SNTB2: variants seen among roughly 807,000 people sequenced by gnomAD.
SNTB2 encodes the protein syntrophin beta 2, also known as beta-2-syntrophin.
Under a neutral mutation model 46.2 loss-of-function variants are expected in SNTB2, and 34 were observed. The observed-to-expected ratio is 0.74, with a 90% CI of 0.56 to 0.98. The LOEUF (loss-of-function observed/expected upper bound fraction) is 0.98, where lower values mean the gene tolerates loss of function less well. Ranked by LOEUF, SNTB2 falls within the 50% of genes least tolerant of loss-of-function variation. The pLI is 0.00. For missense variants in SNTB2, 603 were observed against 731.4 expected (o/e 0.82, Z 2.02); for synonymous variants, 290 against 312.6 (o/e 0.93, Z 0.76).
At chr16:69,234,999 G>A (rs537565825) in intron 1 of SNTB2, among the ~76,000 whole-genome samples, 4 of 152,118 alleles carry the variant, frequency 2.6e-5, no homozygotes, top group Admixed American at 6.5e-5. Flanking sequence ...CACTGCGCCC[G>A]GCTCTCAACT....
At chr16:69,294,022 TG>T (rs1316789804) in intron 5 of SNTB2, among the ~76,000 whole-genome samples, 6 of 152,084 alleles carry the variant, frequency 3.9e-5, no homozygotes, top group African/African-American at 1.5e-4. Context: ...TTATGTTTTT[TG>T]TTTGTTTGTT....
intron 1 of SNTB2, among the ~76,000 whole-genome samples, chr16:69,220,602 A>G (rs1235950022): frequency 4.0e-5 from 6 of 151,578 alleles, no homozygotes; most frequent in Admixed American, 4.0e-4. Flanking sequence ...ATCATAGGTC[A>G]TTGCAGCCTT....
chr16:69,187,840 T>TTCTCTCCCCGTC, intron 1 of SNTB2, 94 bp downstream of exon 1: 1 of 1,013,550 alleles, frequency 9.9e-7, no homozygotes, highest in South Asian at 2.0e-5. Context: ...GGCGAGCCGG[T>TTCTCTCCCCGTC]TCTCTCCCCG....
intron 5 of SNTB2, among the ~76,000 whole-genome samples, chr16:69,288,077 T>A (rs113322948): frequency 6.6e-6 from 1 of 152,098 alleles, no homozygotes; most frequent in East Asian, 1.9e-4. Flanking sequence ...GCACGGTGGC[T>A]TACACCAGAA....
chr16:69,211,854 C>G (rs116469008), intron 1 of SNTB2, among the ~76,000 whole-genome samples: 2 of 152,050 alleles, frequency 1.3e-5, no homozygotes, highest in South Asian at 2.1e-4. Flanking sequence ...AAAAATAAAC[C>G]CTTATTCATT....
chr16:69,290,097 C>G (rs1965146271), intron 5 of SNTB2, among the ~76,000 whole-genome samples: 1 of 152,078 alleles, frequency 6.6e-6, no homozygotes, highest in Admixed American at 6.6e-5. Flanking sequence ...CATAATCTTC[C>G]TAATGTTCAT....
intron 1 of SNTB2, among the ~76,000 whole-genome samples, chr16:69,211,761 T>G (rs1964289919): frequency 6.6e-6 from 1 of 152,158 alleles, no homozygotes; most frequent in Non-Finnish European, 1.5e-5. Context: ...AGCAAACACC[T>G]TATACTAATG....
At chr16:69,226,308 T>G (rs1416903727) in intron 1 of SNTB2, among the ~76,000 whole-genome samples, 1 of 151,656 alleles carries the variant, frequency 6.6e-6, no homozygotes, top group Non-Finnish European at 1.5e-5. Flanking sequence ...TGACCTTAGG[T>G]GATCTGTCTG....
At position 69,307,142 on chromosome 16, in the gene SNTB2, G is replaced by A. The variant is rs991391824; in HGVS notation, c.*6218G>A. On this transcript the variant is annotated 3_prime_UTR_variant, in exon 7 of 7. Coordinates refer to ENST00000336278, the MANE Select transcript of SNTB2 (RefSeq NM_006750.4). ...GGCATTCTGAAGGGTCCAAAAGAAA[G>A]TTCCTGCCCTCTAGTAGCACATAAT... The A allele has an allele frequency of 1.3e-5, 2 of 152,168 alleles. No homozygotes were observed. 9.4% of individuals were successfully genotyped at this position (152,168 alleles called of 1,614,324 possible).
intron 3 of SNTB2, among the ~76,000 whole-genome samples, chr16:69,262,587 A>G (rs1308235123): frequency 6.6e-6 from 1 of 152,198 alleles, no homozygotes; most frequent in Non-Finnish European, 1.5e-5. Context: ...GGAATGCTCA[A>G]ATCAGGCTAA....
At chr16:69,206,918 A>G (rs1282235632) in intron 1 of SNTB2, among the ~76,000 whole-genome samples, 2 of 150,608 alleles carry the variant, frequency 1.3e-5, no homozygotes, top group Admixed American at 1.3e-4. Flanking sequence ...GGCGCCTGCC[A>G]CCATGCCCAA....
intron 4 of SNTB2, among the ~76,000 whole-genome samples, chr16:69,276,929 T>C (rs1964989902): frequency 6.6e-6 from 1 of 152,198 alleles, no homozygotes; most frequent in Admixed American, 6.5e-5. Flanking sequence ...ATTAATTTTA[T>C]TTAATCTTGA....
At chr16:69,286,157 G>A (rs745505506) in intron 5 of SNTB2, among the ~76,000 whole-genome samples, 5 of 152,094 alleles carry the variant, frequency 3.3e-5, no homozygotes, top group Non-Finnish European at 5.9e-5. Context: ...TTACTGTGTT[G>A]CCCAGGCTGG....
chr16:69,223,460 G>A (rs1041379381), intron 1 of SNTB2, among the ~76,000 whole-genome samples: 50 of 152,182 alleles, frequency 3.3e-4, no homozygotes, highest in African/African-American at 1.1e-3. Flanking sequence ...CTCTCAAAGC[G>A]CTGGGATTTC....
chr16:69,273,082 TAAA>T (rs559148382), intron 4 of SNTB2, among the ~76,000 whole-genome samples: 34 of 151,946 alleles, frequency 2.2e-4, no homozygotes, highest in Admixed American at 9.2e-4. Context: ...ACAGATAAAA[TAAA>T]AAGTGTGAAC....
At position 69,298,694 on chromosome 16, in the gene SNTB2, G is replaced by A. The variant is rs567328733; in HGVS notation, c.1346-896G>A. Among the ~76,000 whole-genome samples, 8 of 151,618 alleles carry A rather than the reference G, an allele frequency of 5.3e-5. No homozygotes were observed. In the East Asian group the frequency reaches 1.2e-3, roughly 22 times the overall value. On this transcript the variant is annotated intron_variant, in intron 5 of 6. Transcript: ENST00000336278. ...GTGCCACCATGGCTGGCTAATTTTT[G>A]TATTTTTAGTAGAGACGGGGTTTCG...
rs1298847405 is a variant in SNTB2 at position 69,258,025 on chromosome 16, T to G, written c.795-2025T>G. On this transcript the variant is annotated intron_variant, in intron 2 of 6. Coordinates refer to ENST00000336278, the MANE Select transcript of SNTB2 (RefSeq NM_006750.4). ...TACAAAATATGACAATTTAAAGTAT[T>G]TGGAGTTATAAAGGGTTTAGAAACT... 2.6e-5 allele frequency among the ~76,000 whole-genome samples: 4 copies of G among 152,356 alleles called. No homozygotes were observed. The East Asian group carries it at 7.7e-4, about 29-fold the overall frequency.
intron 1 of SNTB2, among the ~76,000 whole-genome samples, chr16:69,220,440 G>A (rs879697908): frequency 2.1e-4 from 32 of 151,690 alleles, no homozygotes; most frequent in Non-Finnish European, 4.0e-4. Context: ...GATTACAGGC[G>A]TGAGCCACTG....
intron 5 of SNTB2, among the ~76,000 whole-genome samples, chr16:69,287,752 G>A (rs1026298515): frequency 2.6e-5 from 4 of 151,912 alleles, no homozygotes; most frequent in Middle Eastern, 3.4e-3. Context: ...CCAGCTACTC[G>A]GGATGGTGAG....
Sources: gnomAD v4.1 joint callset for allele counts (sites outside exome capture counted in the v4.1 genomes callset) on GRCh38, gnomAD v4.1.1 for gene constraint, MANE v1.5 for transcripts, NCBI Gene and HGNC (gene_info 2026-07-23, HGNC 2026-07-21) for gene names.